FAM168A: variants seen among roughly 807,000 people sequenced by gnomAD.
FAM168A encodes family with sequence similarity 168 member A, also known as protein FAM168A.
In FAM168A, 3 loss-of-function variants were observed where a neutral mutation model predicts 28.5. The observed-to-expected ratio is 0.11, with a 90% CI of 0.05 to 0.27. FAM168A has a LOEUF of 0.27. FAM168A is among the 10% of genes least tolerant of loss of function. FAM168A has a pLI of 1.00. For missense variants in FAM168A, 222 were observed against 311.5 expected (o/e 0.71, Z 2.16); for synonymous variants, 122 against 124.2 (o/e 0.98, Z 0.12).
chr11:73,536,105 C>T (rs1291230095), intron 1 of FAM168A, among the ~76,000 whole-genome samples: 1 of 152,110 alleles, frequency 6.6e-6, no homozygotes, highest in African/African-American at 2.4e-5. Flanking sequence ...TTCAGCTTCC[C>T]AAAGTGTTAG....
chr11:73,442,955 G>GATATAC (rs1867226712), intron 2 of FAM168A, among the ~76,000 whole-genome samples: 1 of 40,228 alleles, frequency 2.5e-5, no homozygotes. Flanking sequence ...ATATACAAAG[G>GATATAC]ATATATATAT....
intron 4 of FAM168A, among the ~76,000 whole-genome samples, chr11:73,415,919 GAGAA>G (rs1565235061): frequency 6.6e-6 from 1 of 152,108 alleles, no homozygotes; most frequent in Non-Finnish European, 1.5e-5. Context: ...CTCCTTTTCC[GAGAA>G]AGAACCTGGA....
chr11:73,419,941 G>A lies in FAM168A; in HGVS notation c.210C>T (p.Gly70=), dbSNP rs760527570. 3 of 1,613,974 alleles carry A rather than the reference G, an allele frequency of 1.9e-6. No individual in the cohort carries two copies. Among genetic ancestry groups the A allele is most frequent in the Non-Finnish European group, 2.5e-6 (3 of 1,179,914 alleles). The change falls in exon 4 of 8, where the codon GGC becomes GGT. Residue 70 remains glycine, a synonymous_variant. Coordinates refer to ENST00000356467, the MANE Select transcript of FAM168A (RefSeq NM_015159.3). ...PQNSSSCGTE[G]TFHLPVDTGT... The stretch of plus-strand genomic sequence containing the variant: ...CGGTGTCCACTGGGAGGTGGAAGGT[G>A]CCTTCAGTGCCACAGGAAGACGAGT...
At chr11:73,418,508 T>G (rs545693005) in intron 4 of FAM168A, among the ~76,000 whole-genome samples, 74 of 152,364 alleles carry the variant, frequency 4.9e-4, no homozygotes, top group African/African-American at 1.8e-3. Flanking sequence ...CTTTTCTTTA[T>G]GAATTACCCA....
At chr11:73,553,259 A>G (rs1487943650) in intron 1 of FAM168A, among the ~76,000 whole-genome samples, 1 of 152,064 alleles carries the variant, frequency 6.6e-6, no homozygotes, top group East Asian at 1.9e-4. Context: ...CACATTTTAA[A>G]TATTACCTAA....
chr11:73,543,457 C>T (rs1233923460), intron 1 of FAM168A, among the ~76,000 whole-genome samples: 1 of 151,888 alleles, frequency 6.6e-6, no homozygotes, highest in Non-Finnish European at 1.5e-5. Flanking sequence ...CACGGGGTTT[C>T]GCCATGTTGG....
intron 1 of FAM168A, among the ~76,000 whole-genome samples, chr11:73,569,746 C>T (rs950465554): frequency 3.3e-5 from 5 of 151,852 alleles, no homozygotes; most frequent in East Asian, 1.9e-4. Context: ...CACTTGAACC[C>T]GGGGGGATCG....
chr11:73,466,032 T>G (rs1395970029), intron 2 of FAM168A, among the ~76,000 whole-genome samples: 1 of 152,096 alleles, frequency 6.6e-6, no homozygotes, highest in Non-Finnish European at 1.5e-5. Context: ...ACTGGAATAC[T>G]GCACCACAAA....
intron 1 of FAM168A, among the ~76,000 whole-genome samples, chr11:73,553,376 G>A (rs924873466): frequency 6.6e-6 from 1 of 152,142 alleles, no homozygotes; most frequent in African/African-American, 2.4e-5. Flanking sequence ...ATGACCAAAT[G>A]AGAAGTTCAG....
intron 1 of FAM168A, among the ~76,000 whole-genome samples, chr11:73,478,901 G>A (rs1397916776): frequency 1.3e-5 from 2 of 152,154 alleles, no homozygotes; most frequent in African/African-American, 4.8e-5. Context: ...GGGTGATGGG[G>A]GAGCAGGTGG....
chr11:73,501,870 G>A (rs374797128), intron 1 of FAM168A, among the ~76,000 whole-genome samples: 39 of 152,140 alleles, frequency 2.6e-4, no homozygotes, highest in African/African-American at 8.9e-4. Flanking sequence ...GGGAGGCCAA[G>A]GCGGGCAGAT....
chr11:73,484,713 TATATATATAG>T (rs1409943983), intron 1 of FAM168A, among the ~76,000 whole-genome samples: 3 of 131,172 alleles, frequency 2.3e-5, no homozygotes, highest in Admixed American at 2.2e-4. Context: ...TATATATAGA[TATATATATAG>T]ATATATATCG....
chr11:73,512,740 A>G (rs1855249472), intron 1 of FAM168A, among the ~76,000 whole-genome samples: 1 of 152,174 alleles, frequency 6.6e-6, no homozygotes, highest in Non-Finnish European at 1.5e-5. Flanking sequence ...AAAATCTAGT[A>G]CTATCTAGTT....
chr11:73,409,841 T>C (rs1866577078), intron 5 of FAM168A, among the ~76,000 whole-genome samples, 180 bp from the exon 6 acceptor site: 1 of 152,130 alleles, frequency 6.6e-6, no homozygotes, highest in Non-Finnish European at 1.5e-5. Flanking sequence ...AAGGCTCTAA[T>C]CCTGTCCTGC....
chr11:73,484,135 C>T (rs1369429394), intron 1 of FAM168A, among the ~76,000 whole-genome samples: 1 of 152,178 alleles, frequency 6.6e-6, no homozygotes, highest in Non-Finnish European at 1.5e-5. Flanking sequence ...TCTTATGCCA[C>T]TTCCAGCATC....
At chr11:73,489,138 A>C (rs1448667727) in intron 1 of FAM168A, among the ~76,000 whole-genome samples, 1 of 151,992 alleles carries the variant, frequency 6.6e-6, no homozygotes, top group Non-Finnish European at 1.5e-5. Flanking sequence ...CTTGGCCTCC[A>C]AAAGTGCTGG....
chr11:73,492,204 A>T (rs1486225056), intron 1 of FAM168A, among the ~76,000 whole-genome samples: 1 of 152,234 alleles, frequency 6.6e-6, no homozygotes, highest in Non-Finnish European at 1.5e-5. Flanking sequence ...TCTTAGAGCC[A>T]AGAAGATGGC....
chr11:73,587,491 CAAAA>C (rs750571231), intron 1 of FAM168A, among the ~76,000 whole-genome samples: 3 of 87,538 alleles, frequency 3.4e-5, no homozygotes, highest in Non-Finnish European at 4.8e-5. Flanking sequence ...GACTCCGTCT[CAAAA>C]AAAAAAAAAA....
rs56294455 is a variant in FAM168A at position 73,445,419 on chromosome 11, C to CTTTTTTTTTTTTTTTTTTTTT, written c.71-14670_71-14650dup. Among the ~76,000 whole-genome samples the CTTTTTTTTTTTTTTTTTTTTT allele has an allele frequency of 5.9e-4, 30 of 50,460 alleles. 4 individuals are homozygous for CTTTTTTTTTTTTTTTTTTTTT. Among genetic ancestry groups the CTTTTTTTTTTTTTTTTTTTTT allele is most frequent in the African/African-American group, 1.9e-3 (26 of 14,032 alleles). 33.1% of individuals were successfully genotyped at this position (50,460 alleles called of 152,430 possible). On this transcript the variant is annotated intron_variant, in intron 2 of 7. Coordinates refer to ENST00000356467, the MANE Select transcript of FAM168A (RefSeq NM_015159.3). ...CCAGTAGATATATGTAAAAATGTCTCTTTTTTTTTTTTTTTTTTTTTTTTT... is the reference window on the plus strand; with the variant it reads ...CCAGTAGATATATGTAAAAATGTCTCTTTTTTTTTTTTTTTTTTTTTTTTTTTTTTTTTTTTTTTTTTTTTT...
Sources: gnomAD v4.1 joint callset for allele counts (sites outside exome capture counted in the v4.1 genomes callset) on GRCh38, gnomAD v4.1.1 for gene constraint, MANE v1.5 for transcripts, NCBI Gene and HGNC (gene_info 2026-07-23, HGNC 2026-07-21) for gene names.